The following ANK3 variants were observed in gnomAD, a reference collection of about 807,000 sequenced individuals.
ANK3 encodes the protein ankyrin 3, also known as ankyrin-3.
Under a neutral mutation model 370.9 loss-of-function variants are expected in ANK3, and 57 were observed. The observed-to-expected ratio is 0.15, with a 90% CI of 0.12 to 0.19. The LOEUF (loss-of-function observed/expected upper bound fraction) is 0.19, where lower values mean the gene tolerates loss of function less well. Among genes scored for constraint, ANK3 ranks in the 10% least tolerant of loss-of-function variants. The pLI, the probability that ANK3 is intolerant of heterozygous loss-of-function variation, is 1.00. For synonymous variants in ANK3, 1,929 were observed against 1,946.3 expected, an observed-to-expected ratio of 0.99 and a Z score of 0.23; for missense variants, 4,439 against 5,302.1, an observed-to-expected ratio of 0.84 and a Z score of 5.06.
chr10:60,689,151 G>T (rs2079312580), intron 1 of ANK3, among the ~76,000 whole-genome samples: 1 of 152,102 alleles, frequency 6.6e-6, no homozygotes, highest in Non-Finnish European at 1.5e-5. Context: ...TATAATCTTA[G>T]CACTTCGGGA....
At chr10:60,461,225 A>T (rs755835784) in intron 2 of ANK3, among the ~76,000 whole-genome samples, 10 of 152,270 alleles carry the variant, frequency 6.6e-5, no homozygotes, top group Non-Finnish European at 1.2e-4. Context: ...TTTCTCCAGT[A>T]TTAGATCTGA....
At chr10:60,418,869 T>A (rs1252600687) in intron 2 of ANK3, among the ~76,000 whole-genome samples, 6 of 152,174 alleles carry the variant, frequency 3.9e-5, no homozygotes, top group Admixed American at 3.9e-4. Flanking sequence ...TAAAACACCC[T>A]GAGTTTCATA....
intron 2 of ANK3, among the ~76,000 whole-genome samples, chr10:60,530,238 A>G (rs1213108854): frequency 6.6e-6 from 1 of 152,178 alleles, no homozygotes; most frequent in Non-Finnish European, 1.5e-5. Flanking sequence ...GAAGCTCACA[A>G]GAAGCCATCA....
At chr10:60,096,689 C>G (rs1205731312) in intron 28 of ANK3, among the ~76,000 whole-genome samples, 3 of 151,804 alleles carry the variant, frequency 2.0e-5, no homozygotes, top group African/African-American at 7.3e-5. Context: ...AATTCAGAAC[C>G]CAAATTGTTA....
At chr10:60,651,491 T>C (rs2078788899) in intron 1 of ANK3, among the ~76,000 whole-genome samples, 1 of 152,226 alleles carries the variant, frequency 6.6e-6, no homozygotes, top group African/African-American at 2.4e-5. Flanking sequence ...GAAACATACT[T>C]TTTTGAGTAA....
At chr10:60,398,337 G>A (rs989389877) in intron 2 of ANK3, among the ~76,000 whole-genome samples, 15 of 152,172 alleles carry the variant, frequency 9.9e-5, no homozygotes, top group African/African-American at 3.6e-4. Context: ...TTCTGAGGTA[G>A]CACATTGTTA....
chr10:60,697,561 G>C (rs911737309), intron 1 of ANK3, among the ~76,000 whole-genome samples: 1 of 145,772 alleles, frequency 6.9e-6, no homozygotes, highest in African/African-American at 2.5e-5. Context: ...CAGAGATATA[G>C]ATCAATGGAA....
At chr10:60,457,573 C>G (rs529285000) in intron 2 of ANK3, among the ~76,000 whole-genome samples, 5 of 152,160 alleles carry the variant, frequency 3.3e-5, no homozygotes, top group African/African-American at 7.2e-5. Flanking sequence ...AGGGGATTCA[C>G]CCTTCAGGTC....
chr10:60,424,131 G>A (rs1934758), intron 2 of ANK3, among the ~76,000 whole-genome samples: 1,601 of 152,052 alleles, frequency 0.011, 29 homozygotes, highest in African/African-American at 0.037. Context: ...TTGAATTTAA[G>A]TTACCCCTAT....
rs969766364 is a variant in ANK3, at chr10:60,684,532, TCTATC to T, written c.57+48726_57+48730del. ...GGGGAATGGACTATCAGACCAGACT[TCTATC>T]CTGTCCAGTCTGCCTTCATTTCAAT... is the stretch of plus-strand genomic sequence containing the variant. On this transcript the variant is annotated intron_variant, in intron 1 of 43. Transcript: ENST00000373827. 3.1e-5 allele frequency: 48 copies of T among 1,565,150 alleles called. 1 individual carries two copies. The highest frequency in any genetic ancestry group is 3.4e-4 in the Middle Eastern group (2 of 5,800).
At chr10:60,572,512 T>G in intron 2 of ANK3, 1 of 1,535,932 alleles carries the variant, frequency 6.5e-7, no homozygotes, top group East Asian at 2.4e-5. Flanking sequence ...TTTTTCTCCT[T>G]TGGTTCTTCA....
intron 8 of ANK3, among the ~76,000 whole-genome samples, chr10:60,232,646 T>C (rs1190382883): frequency 5.3e-5 from 8 of 152,176 alleles, no homozygotes; most frequent in Admixed American, 5.2e-4. Flanking sequence ...TTGTTTCTTT[T>C]AAGGTACATA....
intron 25 of ANK3, among the ~76,000 whole-genome samples, chr10:60,133,471 A>G (rs530990999): frequency 2.2e-4 from 34 of 152,380 alleles, no homozygotes; most frequent in African/African-American, 7.2e-4. Context: ...AAATGCATGT[A>G]GCAGAGATTC....
intron 1 of ANK3, among the ~76,000 whole-genome samples, chr10:60,382,585 C>CT (rs1248745250): frequency 1.3e-5 from 2 of 152,050 alleles, no homozygotes; most frequent in African/African-American, 4.8e-5. Context: ...AGAAAAAACT[C>CT]TGACGTATAT....
intron 1 of ANK3, among the ~76,000 whole-genome samples, chr10:60,371,857 G>A (rs946411295): frequency 4.6e-5 from 7 of 152,024 alleles, no homozygotes; most frequent in African/African-American, 9.7e-5. Flanking sequence ...CGATGAAGAA[G>A]GTGAGAAAAG....
chr10:60,410,851 T>C (rs1486623675), intron 2 of ANK3, among the ~76,000 whole-genome samples: 1 of 152,066 alleles, frequency 6.6e-6, no homozygotes, highest in African/African-American at 2.4e-5. Context: ...TTTTCATTTT[T>C]TGCAGTGACA....
At chr10:60,106,103 T>C (rs779772704) in intron 27 of ANK3, 44 bp from the exon 28 acceptor site, 1 of 1,513,628 alleles carries the variant, frequency 6.6e-7, no homozygotes, top group Admixed American at 2.0e-5. Context: ...ATTAAATATA[T>C]TTATAGTATC....
At chr10:60,288,483 C>T (rs1374794914) in intron 1 of ANK3, among the ~76,000 whole-genome samples, 2 of 152,132 alleles carry the variant, frequency 1.3e-5, no homozygotes, top group African/African-American at 2.4e-5. Flanking sequence ...TTTCTGCATC[C>T]TGTTACAGCT....
chr10:60,160,531 C>T (rs1323758202), intron 23 of ANK3, among the ~76,000 whole-genome samples: 1 of 152,002 alleles, frequency 6.6e-6, no homozygotes, highest in Non-Finnish European at 1.5e-5. Flanking sequence ...TTTGAGGGAA[C>T]ACTTCCAAAC....
Sources: allele counts gnomAD v4.1 joint callset (sites outside exome capture counted in the v4.1 genomes callset), GRCh38; gene constraint gnomAD v4.1.1; transcripts MANE v1.5; gene names NCBI Gene and HGNC (gene_info 2026-07-23, HGNC 2026-07-21).